The following LATS1 variants were observed in gnomAD, a reference collection of about 807,000 sequenced individuals.
LATS1 encodes the protein serine/threonine-protein kinase LATS1.
A neutral mutation model predicts 106.6 loss-of-function variants in LATS1; 25 were observed. That is an observed-to-expected ratio of 0.23 (90% CI 0.17 to 0.33). The LOEUF is 0.33. Among genes scored for constraint, LATS1 ranks in the 10% least tolerant of loss-of-function variants. LATS1 has a pLI of 1.00. For synonymous variants in LATS1, 465 were observed against 455.6 expected (o/e 1.02, Z -0.26); for missense variants, 1,040 against 1,382.6 (o/e 0.75, Z 3.93).
In LATS1 at chr6:149,680,237, C is replaced by T. The variant is rs200119992; in HGVS notation, c.2231G>A (p.Arg744Gln). Residue 744 changes from arginine (R) to glutamine (Q), a missense_variant, in exon 5 of 8, where the codon CGA becomes CAA. By Grantham distance (43) the Arg-to-Gln change is conservative (BLOSUM62 1). Coordinates refer to ENST00000543571, the MANE Select transcript of LATS1 (RefSeq NM_004690.4). ...AGCCTTAACATGAGCGACTTGATTT[C>T]GAAGAAGAACATCTTTCTTTCGAAG... is the stretch of plus-strand genomic sequence containing the variant. The part of the protein sequence containing the change: ...KTLRKKDVLL[R>Q]NQVAHVKAER... 1.1e-5 allele frequency: 17 copies of T among 1,613,984 alleles called. No homozygotes were observed. The South Asian group carries it at 1.2e-4, about 11-fold the overall frequency.
At chr6:149,701,670 T>C (rs746992471) in intron 2 of LATS1, 109 bp downstream of exon 2, 11 of 712,006 alleles carry the variant, frequency 1.5e-5, no homozygotes, top group Admixed American at 2.5e-5. Flanking sequence ...TAAATGTGTA[T>C]ACAGGGTTAA....
intron 7 of LATS1, among the ~76,000 whole-genome samples, chr6:149,673,628 T>TA (rs1310732813): frequency 6.6e-6 from 1 of 151,394 alleles, no homozygotes; most frequent in Non-Finnish European, 1.5e-5. Context: ...ACCTATACTA[T>TA]AAAAAATCCT....
At chr6:149,712,970 G>A (rs1034404304) in intron 1 of LATS1, among the ~76,000 whole-genome samples, 5 of 152,036 alleles carry the variant, frequency 3.3e-5, no homozygotes, top group African/African-American at 7.2e-5. Flanking sequence ...ACTCCAGCCC[G>A]GGCATCAGAG....
intron 3 of LATS1, among the ~76,000 whole-genome samples, chr6:149,691,674 T>C (rs553888904): frequency 1.3e-5 from 2 of 152,172 alleles, no homozygotes; most frequent in Non-Finnish European, 2.9e-5. Context: ...TATTAAATAA[T>C]AAGCTTGGTT....
At chr6:149,708,500 T>A (rs556589461) in intron 1 of LATS1, among the ~76,000 whole-genome samples, 2 of 152,246 alleles carry the variant, frequency 1.3e-5, no homozygotes, top group South Asian at 4.2e-4. Context: ...ATTGTGTATA[T>A]CTTTAGCCAA....
At chr6:149,676,800 T>C in intron 5 of LATS1, 63 bp from the exon 6 acceptor site, 1 of 1,436,640 alleles carries the variant, frequency 7.0e-7, no homozygotes, top group Non-Finnish European at 9.6e-7. Flanking sequence ...GAAGTCTATT[T>C]AATCTTCTGA....
At chr6:149,709,630 T>C (rs1400950025) in intron 1 of LATS1, among the ~76,000 whole-genome samples, 2 of 151,236 alleles carry the variant, frequency 1.3e-5, no homozygotes, top group African/African-American at 2.4e-5. Context: ...ATTGATTCTA[T>C]CTGCATAATG....
chr6:149,672,172 G>A (rs1781475592), intron 7 of LATS1, among the ~76,000 whole-genome samples: 1 of 150,338 alleles, frequency 6.7e-6, no homozygotes, highest in South Asian at 2.1e-4. Context: ...GATTACAGGC[G>A]TGAGCCACCA....
Position 149,689,328 on chromosome 6 carries a change from T to G in LATS1, c.497-4736A>C, listed in dbSNP as rs1055433045. 4.8e-5 allele frequency among the ~76,000 whole-genome samples: 7 copies of G among 146,344 alleles called. No homozygotes were observed. In the South Asian group the frequency reaches 1.5e-3, roughly 31 times the overall value. On this transcript the variant is annotated intron_variant, in intron 3 of 7. Transcript: ENST00000543571. The stretch of plus-strand genomic sequence containing the variant: ...GCCATGGACAAGGAATTTGGAAGAA[T>G]AAGAAGCCGATAAAGGTAGAGGAGG...
chr6:149,690,496 A>G (rs1782680541), intron 3 of LATS1, among the ~76,000 whole-genome samples: 1 of 151,494 alleles, frequency 6.6e-6, no homozygotes, highest in Non-Finnish European at 1.5e-5. Flanking sequence ...TACAGGTGTG[A>G]GCCACTGTGC....
chr6:149,687,090 T>A (rs746988599), intron 3 of LATS1, among the ~76,000 whole-genome samples: 72 of 117,118 alleles, frequency 6.1e-4, no homozygotes, highest in Non-Finnish European at 1.1e-3. Flanking sequence ...ATCTCCAAGA[T>A]TTTTATTTTT....
In LATS1 at chr6:149,662,238, C is replaced by T. The variant is rs964834310; in HGVS notation, c.2884G>A (p.Val962Ile). The T allele has an allele frequency of 1.3e-6, 2 of 1,560,428 alleles. No individual in the cohort carries two copies. Among genetic ancestry groups the T allele is most frequent in the East Asian group, 2.3e-5 (1 of 44,312 alleles). Residue 962 changes from valine to isoleucine, a missense_variant and splice_region_variant, in exon 8 of 8, where the codon GTT becomes ATT. Val to Ile is a conservative substitution (Grantham distance 29, BLOSUM62 3). This residue lies in a region of LATS1 where 113 missense variants were observed against 146.3 expected (regional missense o/e 0.77). Transcript: ENST00000543571. ...AQTPLETQMK[V>I]INWQTSLHIP... ...TGAAGAGATGTTTGCCAGTTGATAA[C>T]CTTTAAAGATTTTTTAAAATTAGGG...
chr6:149,677,506 T>C (rs1177409400), intron 5 of LATS1, among the ~76,000 whole-genome samples: 2 of 151,930 alleles, frequency 1.3e-5, no homozygotes, highest in African/African-American at 4.8e-5. Context: ...TATTGCAGAG[T>C]TCGAAGCAAG....
intron 2 of LATS1, among the ~76,000 whole-genome samples, chr6:149,698,989 T>A (rs1783281125): frequency 2.6e-5 from 4 of 152,134 alleles, no homozygotes; most frequent in Admixed American, 6.5e-5. Context: ...TTAACATTTA[T>A]TCCTATGAGA....
At chr6:149,699,039 G>T (rs1384937087) in intron 2 of LATS1, among the ~76,000 whole-genome samples, 1 of 143,690 alleles carries the variant, frequency 7.0e-6, no homozygotes. Flanking sequence ...ATTTTACAGG[G>T]TCACCAGAAA....
rs1781709909 is a variant in LATS1 at position 149,676,146 on chromosome 6, C to T, written c.2883+114G>A. 2.6e-5 allele frequency: 19 copies of T among 732,892 alleles called. 1 individual carries two copies. The South Asian group carries it at 2.7e-4, about 11-fold the overall frequency. 45.4% of individuals were successfully genotyped at this position (732,892 alleles called of 1,614,324 possible). On this transcript the variant is annotated intron_variant, in intron 7 of 7. Transcript: ENST00000543571. Reference sequence around the variant, plus strand: ...GCATTATGGGTGTGAGCCACTGCACCCGGCCCAAGTTCATTCTTTAACTCC... The same window carrying T: ...GCATTATGGGTGTGAGCCACTGCACTCGGCCCAAGTTCATTCTTTAACTCC...
At chr6:149,687,779 G>A (rs1782481861) in intron 3 of LATS1, among the ~76,000 whole-genome samples, 1 of 151,486 alleles carries the variant, frequency 6.6e-6, no homozygotes. Flanking sequence ...AATATACCCA[G>A]GCTGGTCTCG....
chr6:149,666,243 A>C (rs574721243), intron 7 of LATS1, among the ~76,000 whole-genome samples: 43 of 152,124 alleles, frequency 2.8e-4, no homozygotes, highest in Non-Finnish European at 5.0e-4. Context: ...CAAACAAAAA[A>C]CAAAAACAGA....
At chr6:149,688,944 G>C (rs1424618075) in intron 3 of LATS1, among the ~76,000 whole-genome samples, 2 of 151,964 alleles carry the variant, frequency 1.3e-5, no homozygotes, top group Non-Finnish European at 2.9e-5. Flanking sequence ...GAGGTGGGCG[G>C]ATCACCTGAG....
Sources: allele counts gnomAD v4.1 joint callset (sites outside exome capture counted in the v4.1 genomes callset), GRCh38; gene constraint gnomAD v4.1.1; regional missense constraint gnomAD v4.1.1; transcripts MANE v1.5; gene names NCBI Gene and HGNC (gene_info 2026-07-23, HGNC 2026-07-21).